The following PCDH15 variants were observed in gnomAD, a reference collection of about 807,000 sequenced individuals.
The protein encoded by PCDH15 is protocadherin-15.
PCDH15 carries 129 observed loss-of-function variants against 178.5 expected under a neutral mutation model. That is an observed-to-expected ratio of 0.72 (90% CI 0.63 to 0.84). The LOEUF is 0.84. PCDH15 is among the 40% of genes least tolerant of loss of function. The pLI, the probability that PCDH15 is intolerant of heterozygous loss-of-function variation, is 0.00. For synonymous variants in PCDH15, 800 were observed against 732.0 expected, an observed-to-expected ratio of 1.09 and a Z score of -1.50; for missense variants, 2,230 against 2,099.9, an observed-to-expected ratio of 1.06 and a Z score of -1.21.
chr10:55,032,500 G>C (rs1259448234), intron 2 of PCDH15, among the ~76,000 whole-genome samples: 4 of 152,124 alleles, frequency 2.6e-5, no homozygotes, highest in African/African-American at 7.2e-5. Flanking sequence ...TTTATACCCT[G>C]CTTCTCAAGG....
intron 3 of PCDH15, among the ~76,000 whole-genome samples, chr10:54,468,130 T>C (rs2077652893): frequency 6.6e-6 from 1 of 151,938 alleles, no homozygotes; most frequent in Admixed American, 6.6e-5. Flanking sequence ...TGACCCTTTG[T>C]ATTATTATTT....
rs772606959 is a variant in PCDH15, at chr10:53,940,890, A to G, written c.3208T>C (p.Ser1070Pro). Reference sequence around the variant, plus strand: ...CCTTCTTCATTTCCTGAAACAATGGAGTACACAATACTTTGATTAATGGCA... The same window carrying G: ...CCTTCTTCATTTCCTGAAACAATGGGGTACACAATACTTTGATTAATGGCA... The part of the protein sequence containing the change: ...AAAINQSIVY[S>P]IVSGNEEDTF... Residue 1070 changes from serine (S) to proline (P), a missense_variant, in exon 24 of 38, where the codon TCC becomes CCC. Ser to Pro is a moderately conservative substitution (Grantham distance 74, BLOSUM62 -1). Coordinates refer to ENST00000644397, the MANE Select transcript of PCDH15 (RefSeq NM_001384140.1). The G allele has an allele frequency of 6.2e-7, 1 of 1,612,912 alleles. No individual in the cohort carries two copies. Among genetic ancestry groups the G allele is most frequent in the Middle Eastern group, 1.6e-4 (1 of 6,062 alleles).
At chr10:54,008,304 T>C (rs1467006867) in intron 20 of PCDH15, among the ~76,000 whole-genome samples, 1 of 152,160 alleles carries the variant, frequency 6.6e-6, no homozygotes. Context: ...ATAAAGCAAT[T>C]GATACAACAC....
At chr10:54,342,151 T>G (rs1424471868) in intron 6 of PCDH15, among the ~76,000 whole-genome samples, 2 of 152,120 alleles carry the variant, frequency 1.3e-5, no homozygotes, top group Non-Finnish European at 2.9e-5. Context: ...GAACCAACTA[T>G]TAATAGCCAA....
At chr10:53,828,491 C>T in intron 31 of PCDH15, 74 bp downstream of exon 31, 1 of 1,282,980 alleles carries the variant, frequency 7.8e-7, no homozygotes, top group East Asian at 2.3e-5. Context: ...AGCAGGCTGA[C>T]TTGATTGATA....
chr10:53,966,602 T>C (rs2089045481), intron 21 of PCDH15, among the ~76,000 whole-genome samples: 1 of 152,030 alleles, frequency 6.6e-6, no homozygotes. Flanking sequence ...TTTAAGAAAT[T>C]ATAAAAATAG....
chr10:54,673,680 T>C (rs2094722450), intron 1 of PCDH15, among the ~76,000 whole-genome samples: 1 of 152,114 alleles, frequency 6.6e-6, no homozygotes, highest in African/African-American at 2.4e-5. Context: ...TCAGATGATC[T>C]GCCCTCCTTG....
At chr10:54,930,423 C>A (rs1016619133) in intron 2 of PCDH15, among the ~76,000 whole-genome samples, 4 of 152,152 alleles carry the variant, frequency 2.6e-5, no homozygotes, top group African/African-American at 9.7e-5. Flanking sequence ...ACCTGTTAAA[C>A]CTCCACTCCT....
intron 8 of PCDH15, among the ~76,000 whole-genome samples, chr10:54,300,043 C>A (rs1227308182): frequency 9.9e-5 from 15 of 152,148 alleles, no homozygotes; most frequent in Admixed American, 9.8e-4. Flanking sequence ...CGAAATCTAT[C>A]CTTACTCTAC....
chr10:54,469,785 G>A (rs140493510), intron 3 of PCDH15, among the ~76,000 whole-genome samples: 14 of 152,212 alleles, frequency 9.2e-5, no homozygotes, highest in African/African-American at 2.9e-4. Context: ...GGTGGTAATA[G>A]TAGTGGAGGG....
intron 15 of PCDH15, among the ~76,000 whole-genome samples, chr10:54,119,017 G>T (rs541027149): frequency 6.6e-6 from 1 of 152,012 alleles, no homozygotes; most frequent in Non-Finnish European, 1.5e-5. Flanking sequence ...GCATGAAAAA[G>T]TTACAGAAAT....
intron 3 of PCDH15, among the ~76,000 whole-genome samples, chr10:54,854,361 C>T (rs1953696867): frequency 1.3e-5 from 2 of 152,148 alleles, no homozygotes; most frequent in Non-Finnish European, 2.9e-5. Context: ...TGTTTCAGCC[C>T]TATTTGTGTT....
At chr10:54,522,603 C>T (rs1427714950) in intron 3 of PCDH15, among the ~76,000 whole-genome samples, 1 of 152,188 alleles carries the variant, frequency 6.6e-6, no homozygotes, top group African/African-American at 2.4e-5. Context: ...TGCTCTGTTT[C>T]GTTTTTACTC....
At chr10:54,923,191 T>C (rs1837538649) in intron 2 of PCDH15, among the ~76,000 whole-genome samples, 1 of 138,242 alleles carries the variant, frequency 7.2e-6, no homozygotes, top group African/African-American at 2.5e-5. Context: ...CTTTTAGCCA[T>C]GGCTGGAGCT....
chr10:54,542,421 G>A (rs2132998461), intron 2 of PCDH15, among the ~76,000 whole-genome samples: 1 of 152,270 alleles, frequency 6.6e-6, no homozygotes, highest in South Asian at 2.1e-4. Flanking sequence ...CATGAAGAGT[G>A]TTTGGACTGA....
chr10:53,867,854 T>A (rs1231159931), intron 26 of PCDH15, among the ~76,000 whole-genome samples: 2 of 152,074 alleles, frequency 1.3e-5, no homozygotes, highest in African/African-American at 4.8e-5. Flanking sequence ...CTAATTAGAG[T>A]TAGAATACTA....
chr10:54,904,291 C>T (rs1328188144), intron 2 of PCDH15, among the ~76,000 whole-genome samples: 1 of 151,794 alleles, frequency 6.6e-6, no homozygotes, highest in Non-Finnish European at 1.5e-5. Context: ...AAATTTTAGC[C>T]TATTCATGTA....
intron 3 of PCDH15, among the ~76,000 whole-genome samples, chr10:54,848,757 C>G (rs1379190973): frequency 2.6e-5 from 4 of 152,100 alleles, no homozygotes; most frequent in African/African-American, 7.2e-5. Context: ...ATTTTAGAAA[C>G]TTCACATATA....
intron 9 of PCDH15, among the ~76,000 whole-genome samples, chr10:54,219,592 C>CAAAAAAAAAAAA (rs763785938): frequency 3.1e-5 from 1 of 32,394 alleles, no homozygotes; most frequent in African/African-American, 9.7e-5. Flanking sequence ...GACTCCATCT[C>CAAAAAAAAAAAA]AAAAAAAAAA....
Sources: gnomAD v4.1 joint callset for allele counts (sites outside exome capture counted in the v4.1 genomes callset) on GRCh38, gnomAD v4.1.1 for gene constraint, MANE v1.5 for transcripts, NCBI Gene and HGNC (gene_info 2026-07-23, HGNC 2026-07-21) for gene names.